Variants in MAPK13 observed in about 807,000 individuals in gnomAD.
The protein encoded by MAPK13 is mitogen-activated protein kinase 13, also known as MAP kinase 13.
In MAPK13, 39 loss-of-function variants were observed where a neutral mutation model predicts 53.5. The ratio of observed to expected loss-of-function variants is 0.73; its 90% confidence interval spans 0.56 to 0.95. The LOEUF (loss-of-function observed/expected upper bound fraction) is 0.95. Ranked by LOEUF, MAPK13 falls within the 40% of genes least tolerant of loss-of-function variation. The probability of loss-of-function intolerance (pLI) is 0.00; values close to 1 mark genes in which losing one functional copy is unlikely to be tolerated. For synonymous variants in MAPK13, 179 were observed against 190.9 expected, an observed-to-expected ratio of 0.94 and a Z score of 0.51; for missense variants, 460 against 471.8, an observed-to-expected ratio of 0.98 and a Z score of 0.23.
At chr6:36,137,851 C>G (rs776579149) in intron 8 of MAPK13, among the ~76,000 whole-genome samples, 1 of 144,056 alleles carries the variant, frequency 6.9e-6, no homozygotes, top group Non-Finnish European at 1.5e-5. Context: ...CCCAGCTACT[C>G]GGGAGGCTGA....
At position 36,135,855 on chromosome 6, in the gene MAPK13, C is replaced by T. The variant is rs367965727; in HGVS notation, c.411C>T (p.Gly137=). The part of the protein sequence containing the change: ...IQYLVYQMLK[G]LKYIHSAGVV... The stretch of plus-strand genomic sequence containing the variant: ...ACCTGGTGTATCAGATGCTCAAAGG[C>T]CTTAAGGTGGGTGGGGACTTGGAGG... The change falls in exon 4 of 12, where the codon GGC becomes GGT. Residue 137 remains glycine, a synonymous_variant. Transcript: ENST00000211287. 1.2e-6 allele frequency: 2 copies of T among 1,612,396 alleles called. No individual in the cohort carries two copies. Among genetic ancestry groups the T allele is most frequent in the African/African-American group, 2.7e-5 (2 of 74,836 alleles).
chr6:36,137,813 T>C (rs1766448635), intron 8 of MAPK13, among the ~76,000 whole-genome samples: 1 of 148,518 alleles, frequency 6.7e-6, no homozygotes. Flanking sequence ...AATACAAAAA[T>C]TAGCCGGGTG....
chr6:36,136,849 G>C, intron 7 of MAPK13, 30 bp from the exon 8 acceptor site: 2 of 1,613,192 alleles, frequency 1.2e-6, no homozygotes, highest in Non-Finnish European at 1.7e-6. Context: ...GCCCCAGACA[G>C]TCCAGGTGAC....
intron 1 of MAPK13, 177 bp from the exon 2 acceptor site, chr6:36,131,092 CCT>C (rs1766310174): frequency 3.1e-6 from 2 of 641,146 alleles, no homozygotes; most frequent in Non-Finnish European, 2.5e-6. Context: ...GCGCTGTGCC[CCT>C]CTCTCAGCTC....
rs1459286086 is a variant in MAPK13, at chr6:36,138,999, A to G, written c.962A>G (p.Gln321Arg). 6.2e-7 allele frequency: 1 copy of G among 1,613,500 alleles called. No homozygotes were observed. Among genetic ancestry groups the G allele is most frequent in the African/African-American group, 1.3e-5 (1 of 74,874 alleles). ...FRDPEEETEA[Q>R]QPFDDSLEHE... ...GACCCTGAGGAAGAGACGGAGGCCC[A>G]GCAGCCGTTTGATGATTCCTTAGAA... Residue 321 changes from glutamine to arginine, a missense_variant, in exon 11 of 12, where the codon CAG becomes CGG. Physicochemically the swap from Gln to Arg is conservative, Grantham distance 43. Transcript: ENST00000211287.
intron 8 of MAPK13, 86 bp downstream of exon 8, chr6:36,137,036 T>TA: frequency 8.3e-7 from 1 of 1,199,336 alleles, no homozygotes; most frequent in Non-Finnish European, 1.2e-6. Context: ...TTTTTTTTCT[T>TA]AATGTGAGAG....
intron 5 of MAPK13, 23 bp downstream of exon 5, chr6:36,136,071 TC>T: frequency 6.2e-7 from 1 of 1,613,890 alleles, no homozygotes; most frequent in Non-Finnish European, 8.5e-7. Flanking sequence ...TCTGCCATGG[TC>T]CTCAGAGGCC....
At chr6:36,138,569 C>A in intron 9 of MAPK13, 125 bp downstream of exon 9, 1 of 1,258,756 alleles carries the variant, frequency 7.9e-7, no homozygotes, top group Non-Finnish European at 1.1e-6. Flanking sequence ...CCTACCCTGG[C>A]AGGCACTCTT....
At position 36,139,071 on chromosome 6, in the gene MAPK13, T is replaced by C; in HGVS notation, c.1018+16T>C. Reference sequence around the variant, plus strand: ...GAATGGAAGCGTAAGAGCTGGGGCCTCGGGCTTCCTCGCCTCCGCCTGCAG... The same window carrying C: ...GAATGGAAGCGTAAGAGCTGGGGCCCCGGGCTTCCTCGCCTCCGCCTGCAG... On this transcript the variant is annotated intron_variant, in intron 11 of 11. Coordinates refer to ENST00000211287, the MANE Select transcript of MAPK13 (RefSeq NM_002754.5). The C allele has an allele frequency of 1.3e-6, 2 of 1,561,218 alleles. No individual in the cohort carries two copies. Among genetic ancestry groups the C allele is most frequent in the Non-Finnish European group, 1.7e-6 (2 of 1,154,378 alleles).
rs570996160 is a variant in MAPK13 at position 36,139,624 on chromosome 6, C to T, written c.*251C>T. The T allele has an allele frequency of 2.2e-5, 11 of 507,220 alleles. No individual in the cohort carries two copies. The highest frequency in any genetic ancestry group is 3.6e-5 in the Non-Finnish European group (10 of 281,066). 31.4% of individuals were successfully genotyped at this position (507,220 alleles called of 1,614,324 possible). A position where few individuals can be genotyped will look rare whatever the true frequency, so the allele number is the denominator to read the frequency against. On this transcript the variant is annotated 3_prime_UTR_variant, in exon 12 of 12. Transcript: ENST00000211287. ...CCTGCAGGTGGGGCCCTTTCCTTCCCGCCAGAGTGGGGCTGAGTGGGCGCT... is the reference window on the plus strand; with the variant it reads ...CCTGCAGGTGGGGCCCTTTCCTTCCTGCCAGAGTGGGGCTGAGTGGGCGCT...
chr6:36,137,662 A>AC (rs1267398163), intron 8 of MAPK13, among the ~76,000 whole-genome samples: 2 of 149,774 alleles, frequency 1.3e-5, no homozygotes, highest in Non-Finnish European at 3.0e-5. Context: ...AAAAAAAAAA[A>AC]AAAAAAACAA....
In MAPK13 at chr6:36,144,430, T is replaced by C. The variant is rs2127488819; in HGVS notation, c.*5057T>C. On this transcript the variant is annotated 3_prime_UTR_variant, in exon 12 of 12. Coordinates refer to ENST00000211287, the MANE Select transcript of MAPK13 (RefSeq NM_002754.5). ...GGGATATGAAAAACTCTGTAATTTC[T>C]ATTGGCACTGCTGATACAACTGCAC... The C allele has an allele frequency of 1.3e-5, 2 of 152,356 alleles. No individual in the cohort carries two copies. Among genetic ancestry groups the C allele is most frequent in the Middle Eastern group, 3.4e-3 (1 of 294 alleles). The allele number at this position is 152,356 out of a possible 1,614,324, so 9.4% of individuals were successfully genotyped here.
At position 36,135,824 on chromosome 6, in the gene MAPK13, T is replaced by C. The variant is rs1766406380; in HGVS notation, c.380T>C (p.Ile127Thr). The C allele has an allele frequency of 6.2e-7, 1 of 1,613,870 alleles. No homozygotes were observed. Among genetic ancestry groups the C allele is most frequent in the Non-Finnish European group, 8.5e-7 (1 of 1,179,958 alleles). The change falls in exon 4 of 12, where the codon ATC becomes ACC. Residue 127 changes from isoleucine to threonine, a missense_variant. By Grantham distance (89) the Ile-to-Thr change is moderately conservative. Transcript: ENST00000211287. Reference protein sequence around the residue: ...IMGMEFSEEKIQYLVYQMLKG... With the variant: ...IMGMEFSEEKTQYLVYQMLKG... ...GGGATGGAGTTCAGTGAGGAGAAGA[T>C]CCAGTACCTGGTGTATCAGATGCTC... is the stretch of plus-strand genomic sequence containing the variant.
chr6:36,137,006 A>G (rs1346706232), intron 8 of MAPK13, 56 bp downstream of exon 8: 4 of 1,449,262 alleles, frequency 2.8e-6, no homozygotes, highest in Non-Finnish European at 9.6e-7. Context: ...TTCAACAGAC[A>G]CTTTATTTAA....
At chr6:36,135,952 C>T (rs369019870) in intron 4 of MAPK13, 67 bp from the exon 5 acceptor site, 40 of 1,604,326 alleles carry the variant, frequency 2.5e-5, no homozygotes, top group South Asian at 1.2e-4. Flanking sequence ...TGTTACAGGT[C>T]GGCCAGCCTG....
chr6:36,132,382 A>ACCTTC (rs1220996710), intron 2 of MAPK13, among the ~76,000 whole-genome samples: 1 of 151,994 alleles, frequency 6.6e-6, no homozygotes, highest in East Asian at 1.9e-4. Context: ...CATTCTCCCC[A>ACCTTC]CCTTCCCTTC....
intron 3 of MAPK13, among the ~76,000 whole-genome samples, chr6:36,135,022 AAAAG>A (rs1463239239): frequency 1.3e-5 from 2 of 152,186 alleles, no homozygotes; most frequent in African/African-American, 2.4e-5. Flanking sequence ...CTCAAAGAAA[AAAAG>A]AAAGGAAGAA....
chr6:36,139,624 C>A lies in MAPK13; in HGVS notation c.*251C>A. The A allele has an allele frequency of 3.9e-6, 2 of 507,218 alleles. No homozygotes were observed. The highest frequency in any genetic ancestry group is 3.6e-6 in the Non-Finnish European group (1 of 281,066). The allele number at this position is 507,218 out of a possible 1,614,324, so 31.4% of individuals were successfully genotyped here. A position where few individuals can be genotyped will look rare whatever the true frequency, so the allele number is the denominator to read the frequency against. ...CCTGCAGGTGGGGCCCTTTCCTTCC[C>A]GCCAGAGTGGGGCTGAGTGGGCGCT... On this transcript the variant is annotated 3_prime_UTR_variant, in exon 12 of 12. Transcript: ENST00000211287.
Position 36,138,992 on chromosome 6 carries a change from G to A in MAPK13, c.955G>A (p.Glu319Lys). 6.2e-7 allele frequency: 1 copy of A among 1,613,770 alleles called. No homozygotes were observed. The highest frequency in any genetic ancestry group is 8.5e-7 in the Non-Finnish European group (1 of 1,179,924). The change falls in exon 11 of 12, where the codon GAG becomes AAG. Residue 319 changes from glutamate to lysine, a missense_variant. Coordinates refer to ENST00000211287, the MANE Select transcript of MAPK13 (RefSeq NM_002754.5). ...EPFRDPEEET[E>K]AQQPFDDSLE... ...CTTCCGGGACCCTGAGGAAGAGACG[G>A]AGGCCCAGCAGCCGTTTGATGATTC...
Sources: allele counts gnomAD v4.1 joint callset (sites outside exome capture counted in the v4.1 genomes callset), GRCh38; gene constraint gnomAD v4.1.1; transcripts MANE v1.5; gene names NCBI Gene and HGNC (gene_info 2026-07-23, HGNC 2026-07-21).